Variants in CERS6 observed in about 807,000 individuals in gnomAD.
CERS6 encodes LAG1 homolog, ceramide synthase 6.
In CERS6, 26 loss-of-function variants were observed where a neutral mutation model predicts 56.8. That is an observed-to-expected ratio of 0.46 (90% confidence interval 0.34 to 0.63). CERS6 has a LOEUF of 0.63. Among genes scored for constraint, CERS6 ranks in the 30% least tolerant of loss-of-function variants. The pLI is 0.01. For synonymous variants in CERS6, 164 were observed against 173.3 expected, an observed-to-expected ratio of 0.95 and a Z score of 0.42; for missense variants, 415 against 467.5, an observed-to-expected ratio of 0.89 and a Z score of 1.04.
chr2:168,675,613 C>T (rs1355541813), intron 4 of CERS6, among the ~76,000 whole-genome samples: 1 of 151,528 alleles, frequency 6.6e-6, no homozygotes, highest in African/African-American at 2.4e-5. Context: ...AAACCAAGGA[C>T]AACAACAACA....
rs1353961748 is a variant in CERS6 at position 168,773,191 on chromosome 2, C to T, written c.*3529C>T. 6.6e-6 allele frequency: 1 copy of T among 152,062 alleles called. No individual in the cohort carries two copies. Among genetic ancestry groups the T allele is most frequent in the African/African-American group, 2.4e-5 (1 of 41,390 alleles). 9.4% of individuals were successfully genotyped at this position (152,062 alleles called of 1,614,324 possible). On this transcript the variant is annotated 3_prime_UTR_variant, in exon 10 of 10. Transcript: ENST00000305747. ...TGTTGCATTAATAGTTGTTTTTGTC[C>T]CTTTCTTGGAAATGTTAATGCCAAA... is the stretch of plus-strand genomic sequence containing the variant.
intron 8 of CERS6, among the ~76,000 whole-genome samples, chr2:168,731,509 G>A (rs867229529): frequency 1.2e-4 from 19 of 152,016 alleles, no homozygotes; most frequent in Admixed American, 6.6e-4. Context: ...GGAAATATAA[G>A]GGTATTTTAT....
Position 168,628,291 on chromosome 2 carries a change from G to T in CERS6, c.408-2694G>T, listed in dbSNP as rs576303517. Among the ~76,000 whole-genome samples the T allele has an allele frequency of 2.0e-5, 3 of 152,284 alleles. No individual in the cohort carries two copies. In the South Asian group the frequency reaches 6.2e-4, roughly 32 times the overall value. On this transcript the variant is annotated intron_variant, in intron 3 of 9. Coordinates refer to ENST00000305747, the MANE Select transcript of CERS6 (RefSeq NM_203463.3). ...ATCTAGACCTGCTCACAGAGGGGATGTGTGGATTGCCCTCAGCCCCACTCT... is the reference window on the plus strand; with the variant it reads ...ATCTAGACCTGCTCACAGAGGGGATTTGTGGATTGCCCTCAGCCCCACTCT...
chr2:168,648,059 G>A (rs1317839924), intron 4 of CERS6, among the ~76,000 whole-genome samples: 5 of 152,010 alleles, frequency 3.3e-5, no homozygotes, highest in Non-Finnish European at 7.4e-5. Flanking sequence ...TCTCCTCCTC[G>A]ATTTTTTGGT....
chr2:168,650,720 G>C (rs947877614), intron 4 of CERS6, among the ~76,000 whole-genome samples: 4 of 151,560 alleles, frequency 2.6e-5, no homozygotes, highest in African/African-American at 9.7e-5. Flanking sequence ...GATCTGCGCT[G>C]GTGGCAGCTA....
chr2:168,466,767 G>A (rs1322118715), intron 1 of CERS6, among the ~76,000 whole-genome samples: 3 of 151,990 alleles, frequency 2.0e-5, no homozygotes, highest in African/African-American at 7.3e-5. Context: ...TCCTACTTTT[G>A]CTTTTACTAT....
intron 4 of CERS6, among the ~76,000 whole-genome samples, chr2:168,631,476 T>C (rs1368175408): frequency 1.8e-5 from 2 of 113,056 alleles, no homozygotes; most frequent in African/African-American, 6.9e-5. Flanking sequence ...TAATATATAA[T>C]ATATAATATA....
intron 2 of CERS6, among the ~76,000 whole-genome samples, chr2:168,551,036 T>C (rs980257118): frequency 3.3e-5 from 5 of 152,172 alleles, no homozygotes; most frequent in Non-Finnish European, 7.4e-5. Flanking sequence ...TGGCACATGC[T>C]CCTTTGCCCC....
chr2:168,708,532 A>G (rs1320662712), intron 6 of CERS6, among the ~76,000 whole-genome samples: 1 of 152,174 alleles, frequency 6.6e-6, no homozygotes, highest in Non-Finnish European at 1.5e-5. Flanking sequence ...GCTTTAAGCT[A>G]TGCTGCTCTT....
intron 6 of CERS6, among the ~76,000 whole-genome samples, chr2:168,708,378 CT>C (rs1334848381): frequency 6.6e-6 from 1 of 152,094 alleles, no homozygotes; most frequent in Non-Finnish European, 1.5e-5. Flanking sequence ...TTATTGATCC[CT>C]AAAAAGAAAA....
intron 8 of CERS6, among the ~76,000 whole-genome samples, chr2:168,728,387 C>CTTT (rs397872513): frequency 1.9e-4 from 19 of 97,558 alleles, no homozygotes; most frequent in Non-Finnish European, 2.9e-4. Context: ...TGCAACTACT[C>CTTT]TTTTTTTTTT....
At chr2:168,767,002 C>T (rs565060372) in intron 9 of CERS6, among the ~76,000 whole-genome samples, 1 of 152,324 alleles carries the variant, frequency 6.6e-6, no homozygotes, top group Non-Finnish European at 1.5e-5. Context: ...ATTTTAAAAT[C>T]TCCTTGTCCT....
intron 8 of CERS6, among the ~76,000 whole-genome samples, chr2:168,757,241 C>T (rs1467332988): frequency 6.6e-6 from 1 of 152,018 alleles, no homozygotes; most frequent in African/African-American, 2.4e-5. Flanking sequence ...AGGACACAGC[C>T]TTGCCTGGAA....
In CERS6 at chr2:168,717,967, AT is replaced by A; in HGVS notation, c.837del (p.Pro280LeufsTer5). ...TTTTTATCACCACACGACTGGGTAT[AT>A]TTCCTCTCTGGTGAGTATGCCAGTC... ...VVFITTRLGI[F>X]PLWVLNTTLF... On this transcript the variant is annotated frameshift_variant, in exon 8 of 10. Transcript: ENST00000305747. LOFTEE classifies it high-confidence loss of function. 6.2e-7 allele frequency: 1 copy of A among 1,610,710 alleles called. No individual in the cohort carries two copies. The highest frequency in any genetic ancestry group is 8.5e-7 in the Non-Finnish European group (1 of 1,177,212).
intron 8 of CERS6, among the ~76,000 whole-genome samples, chr2:168,754,283 G>A (rs13394831): frequency 0.028 from 4,292 of 152,268 alleles, 211 homozygotes; most frequent in African/African-American, 0.098. Flanking sequence ...TTCAAGGTGC[G>A]TGGGCCTGGA....
At chr2:168,715,429 T>C (rs1184177054) in intron 7 of CERS6, among the ~76,000 whole-genome samples, 1 of 152,206 alleles carries the variant, frequency 6.6e-6, no homozygotes, top group Non-Finnish European at 1.5e-5. Context: ...TTGTTTTGTG[T>C]GTTGTAACTT....
intron 2 of CERS6, among the ~76,000 whole-genome samples, chr2:168,557,693 T>G (rs557448157): frequency 2.0e-5 from 3 of 152,174 alleles, no homozygotes; most frequent in Non-Finnish European, 2.9e-5. Flanking sequence ...AAAGGAAACC[T>G]GGGAGAATCT....
intron 3 of CERS6, among the ~76,000 whole-genome samples, chr2:168,625,677 A>G (rs1489596354): frequency 1.3e-5 from 2 of 152,174 alleles, no homozygotes; most frequent in East Asian, 3.9e-4. Flanking sequence ...CAGCATCCAG[A>G]AAAGGTGGCT....
chr2:168,463,736 C>T (rs914185334), intron 1 of CERS6, among the ~76,000 whole-genome samples: 2 of 151,988 alleles, frequency 1.3e-5, no homozygotes, highest in African/African-American at 2.4e-5. Context: ...GGCAAAACCC[C>T]GTCTTTACAA....
Sources: gnomAD v4.1 joint callset for allele counts (sites outside exome capture counted in the v4.1 genomes callset) on GRCh38, gnomAD v4.1.1 for gene constraint, MANE v1.5 for transcripts, NCBI Gene and HGNC (gene_info 2026-07-23, HGNC 2026-07-21) for gene names.